PRIMPOL: variants seen among roughly 807,000 people sequenced by gnomAD.
PRIMPOL encodes the protein primase and DNA directed polymerase.
PRIMPOL carries 54 observed loss-of-function variants against 63.6 expected under a neutral mutation model. The ratio of observed to expected loss-of-function variants is 0.85; its 90% CI spans 0.68 to 1.07. The LOEUF is 1.07. PRIMPOL is among the 50% of genes least tolerant of loss of function. PRIMPOL has a pLI of 0.00. For missense variants in PRIMPOL, 610 were observed against 648.3 expected, an observed-to-expected ratio of 0.94 and a Z score of 0.64; for synonymous variants, 197 against 220.2, an observed-to-expected ratio of 0.89 and a Z score of 0.93.
At chr4:184,672,497 C>T (rs999868327) in intron 7 of PRIMPOL, 37 bp downstream of exon 7, 3 of 1,553,586 alleles carry the variant, frequency 1.9e-6, no homozygotes, top group East Asian at 4.5e-5. Flanking sequence ...TCAGACCGCC[C>T]TGGTGCTTTC....
At position 184,654,931 on chromosome 4, in the gene PRIMPOL, G is replaced by A. The variant is rs190351315; in HGVS notation, c.-59-2151G>A. Among the ~76,000 whole-genome samples, 379 of 152,110 alleles carry A rather than the reference G, an allele frequency of 2.5e-3. 4 individuals carry two copies. The highest frequency in any genetic ancestry group is 8.5e-3 in the African/African-American group (351 of 41,500). On this transcript the variant is annotated intron_variant, in intron 2 of 13. Coordinates refer to ENST00000314970, the MANE Select transcript of PRIMPOL (RefSeq NM_152683.4). ...AGAATATCTTTCTTAGGTCTGTTACGATTGATGTCAAATTTGAAATCTGCG... is the reference window on the plus strand; with the variant it reads ...AGAATATCTTTCTTAGGTCTGTTACAATTGATGTCAAATTTGAAATCTGCG...
chr4:184,661,997 A>G, intron 5 of PRIMPOL, 94 bp downstream of exon 5: 1 of 1,127,358 alleles, frequency 8.9e-7, no homozygotes, highest in Non-Finnish European at 1.2e-6. Flanking sequence ...TAGGTTCTGT[A>G]TCTCTTCTTT....
At position 184,694,521 on chromosome 4, in the gene PRIMPOL, GGAA is replaced by G. The variant is rs753812516; in HGVS notation, c.1431_1433del (p.Glu478del). The G allele has an allele frequency of 1.6e-4, 255 of 1,607,962 alleles. No individual in the cohort carries two copies. In the East Asian group the frequency reaches 4.4e-3, roughly 28 times the overall value. ...TCTATCCCTTCACCACTGAAATAAA[GGAA>G]GAAGAGTTTACAACAGATGAAGCAG... On this transcript the variant is annotated inframe_deletion and splice_region_variant, in exon 14 of 14. Coordinates refer to ENST00000314970, the MANE Select transcript of PRIMPOL (RefSeq NM_152683.4).
intron 2 of PRIMPOL, among the ~76,000 whole-genome samples, chr4:184,654,453 G>GTTTTTTTTTTTTGTTTT (rs869026768): frequency 6.0e-5 from 2 of 33,546 alleles, no homozygotes; most frequent in Non-Finnish European, 5.7e-5. Context: ...AGTTAAAGCA[G>GTTTTTTTTTTTTGTTTT]TTTTTTTTTT....
At chr4:184,673,670 G>A (rs1357288455) in intron 7 of PRIMPOL, among the ~76,000 whole-genome samples, 2 of 152,006 alleles carry the variant, frequency 1.3e-5, no homozygotes, top group South Asian at 2.1e-4. Context: ...TGATCCGCCC[G>A]CCTCAGCCTC....
intron 7 of PRIMPOL, 94 bp from the exon 8 acceptor site, chr4:184,678,138 T>A: frequency 1.5e-6 from 1 of 687,886 alleles, no homozygotes. Flanking sequence ...ATAATTATTT[T>A]TTATTAATGC....
chr4:184,685,947 G>A (rs959429390), intron 11 of PRIMPOL, among the ~76,000 whole-genome samples: 2 of 151,566 alleles, frequency 1.3e-5, no homozygotes, highest in Non-Finnish European at 3.0e-5. Flanking sequence ...GATTACAGGC[G>A]CCTGCCACTA....
intron 6 of PRIMPOL, among the ~76,000 whole-genome samples, chr4:184,667,589 C>T (rs753717310): frequency 9.9e-5 from 15 of 152,272 alleles, no homozygotes; most frequent in South Asian, 2.1e-4. Context: ...GGATTACAGG[C>T]GTGAGCCACC....
chr4:184,680,629 T>C (rs1015532539), intron 8 of PRIMPOL, among the ~76,000 whole-genome samples: 1 of 152,214 alleles, frequency 6.6e-6, no homozygotes, highest in Non-Finnish European at 1.5e-5. Context: ...TTCATATATA[T>C]ATATAAGTAT....
At position 184,691,853 on chromosome 4, in the gene PRIMPOL, T is replaced by C. The variant is rs747468888; in HGVS notation, c.1425+141T>C. 132 of 631,274 alleles carry C rather than the reference T, an allele frequency of 2.1e-4. 2 individuals carry two copies. Among genetic ancestry groups the C allele is most frequent in the Middle Eastern group, 4.1e-4 (1 of 2,438 alleles). 39.1% of individuals were successfully genotyped at this position (631,274 alleles called of 1,614,324 possible). On this transcript the variant is annotated intron_variant, in intron 13 of 13. Transcript: ENST00000314970. ...CTTATGACTGTATTATAGGAATATA[T>C]TGTAGTGATTTTCCCATTTCAGCAC...
At position 184,694,840 on chromosome 4, in the gene PRIMPOL, G is replaced by GATAA. The variant is rs1760171737; in HGVS notation, c.*65_*68dup. ...AATTTGCCTGATGTCTGTGAGATTT[G>GATAA]ATAAATATATCATTCAACCTGTTTA... On this transcript the variant is annotated 3_prime_UTR_variant, in exon 14 of 14. Coordinates refer to ENST00000314970, the MANE Select transcript of PRIMPOL (RefSeq NM_152683.4). The GATAA allele has an allele frequency of 7.3e-7, 1 of 1,373,932 alleles. No homozygotes were observed. The highest frequency in any genetic ancestry group is 1.9e-5 in the Admixed American group (1 of 52,806). 85.1% of individuals were successfully genotyped at this position (1,373,932 alleles called of 1,614,324 possible). A position where few individuals can be genotyped will look rare whatever the true frequency, so the allele number is the denominator to read the frequency against.
chr4:184,672,160 C>A lies in PRIMPOL; in HGVS notation c.557-13C>A. On this transcript the variant is annotated splice_polypyrimidine_tract_variant and intron_variant, in intron 6 of 13. Transcript: ENST00000314970. ...AGAAGATCCAGGTGAATGATAATAG[C>A]TTTTTTCCTTAGGTAATTTTTTGAG... 1 of 1,601,618 alleles carries A rather than the reference C, an allele frequency of 6.2e-7. No individual in the cohort carries two copies. The highest frequency in any genetic ancestry group is 8.5e-7 in the Non-Finnish European group (1 of 1,174,656).
chr4:184,657,520 C>G (rs1443317719), intron 3 of PRIMPOL, 200 bp downstream of exon 3: 2 of 483,210 alleles, frequency 4.1e-6, no homozygotes, highest in Non-Finnish European at 7.3e-6. Context: ...AATCATTAAC[C>G]ATTTAATTTA....
At chr4:184,662,779 T>G (rs1045718322) in intron 5 of PRIMPOL, among the ~76,000 whole-genome samples, 14 of 152,018 alleles carry the variant, frequency 9.2e-5, no homozygotes, top group African/African-American at 3.4e-4. Context: ...GTATTCTCTG[T>G]TGGACCTCTA....
In PRIMPOL at chr4:184,694,942, T is replaced by G; in HGVS notation, c.*163T>G. The stretch of plus-strand genomic sequence containing the variant: ...TAAACCAATTTCATTAAAAATTAGC[T>G]TTGGTGTAAATTCAGGAGAAATCGC... On this transcript the variant is annotated 3_prime_UTR_variant, in exon 14 of 14. Coordinates refer to ENST00000314970, the MANE Select transcript of PRIMPOL (RefSeq NM_152683.4). 1.6e-6 allele frequency: 1 copy of G among 611,648 alleles called. No homozygotes were observed. Among genetic ancestry groups the G allele is most frequent in the Non-Finnish European group, 2.8e-6 (1 of 360,650 alleles). The allele number at this position is 611,648 out of a possible 1,614,324, so 37.9% of individuals were successfully genotyped here. A position where few individuals can be genotyped will look rare whatever the true frequency, so the allele number is the denominator to read the frequency against.
chr4:184,684,630 C>G (rs1365297907), intron 9 of PRIMPOL, among the ~76,000 whole-genome samples: 1 of 151,868 alleles, frequency 6.6e-6, no homozygotes, highest in Non-Finnish European at 1.5e-5. Flanking sequence ...TGAGCACACA[C>G]CATGGGAAAC....
rs758373618 is a variant in PRIMPOL at position 184,694,604 on chromosome 4, T to C, written c.1508T>C (p.Leu503Pro). 1.2e-6 allele frequency: 2 copies of C among 1,614,034 alleles called. No individual in the cohort carries two copies. The highest frequency in any genetic ancestry group is 8.5e-7 in the Non-Finnish European group (1 of 1,179,998). Reference protein sequence around the residue: ...QNPHKPSPSRLSTGASADAVW... With the variant: ...QNPHKPSPSRPSTGASADAVW... ...CCTCATAAACCATCACCTAGCAGGC[T>C]GTCAACAGGTGCATCTGCTGATGCT... Residue 503 changes from leucine to proline, a missense_variant, in exon 14 of 14, where the codon CTG becomes CCG. Physicochemically the swap from Leu to Pro is moderately conservative, Grantham distance 98 (BLOSUM62 -3). Coordinates refer to ENST00000314970, the MANE Select transcript of PRIMPOL (RefSeq NM_152683.4).
chr4:184,694,947 T>C lies in PRIMPOL; in HGVS notation c.*168T>C, dbSNP rs1401365157. ...CAATTTCATTAAAAATTAGCTTTGG[T>C]GTAAATTCAGGAGAAATCGCCTTAT... is the stretch of plus-strand genomic sequence containing the variant. On this transcript the variant is annotated 3_prime_UTR_variant, in exon 14 of 14. Transcript: ENST00000314970. 1.7e-6 allele frequency: 1 copy of C among 604,984 alleles called. No homozygotes were observed. Among genetic ancestry groups the C allele is most frequent in the East Asian group, 2.8e-5 (1 of 35,504 alleles). 37.5% of individuals were successfully genotyped at this position (604,984 alleles called of 1,614,324 possible).
Position 184,691,763 on chromosome 4 carries a change from A to G in PRIMPOL, c.1425+51A>G, listed in dbSNP as rs752351275. The G allele has an allele frequency of 4.3e-6, 6 of 1,384,236 alleles. No individual in the cohort carries two copies. The South Asian group carries it at 5.9e-5, about 14-fold the overall frequency. The allele number at this position is 1,384,236 out of a possible 1,614,324, so 85.7% of individuals were successfully genotyped here. On this transcript the variant is annotated intron_variant, in intron 13 of 13. Transcript: ENST00000314970. Reference sequence around the variant, plus strand: ...TCCTTACCAGGGAGTTCTTGGTACAATAGTATACCTGAGCCATGAGTAGTG... The same window carrying G: ...TCCTTACCAGGGAGTTCTTGGTACAGTAGTATACCTGAGCCATGAGTAGTG...
Sources: gnomAD v4.1 joint callset for allele counts (sites outside exome capture counted in the v4.1 genomes callset) on GRCh38, gnomAD v4.1.1 for gene constraint, MANE v1.5 for transcripts, NCBI Gene and HGNC (gene_info 2026-07-23, HGNC 2026-07-21) for gene names.